Variants in CDH23 observed in about 807,000 individuals in gnomAD.
The protein encoded by CDH23 is cadherin related 23.
A neutral mutation model predicts 317.1 loss-of-function variants in CDH23; 189 were observed. The ratio of observed to expected loss-of-function variants is 0.60; its 90% CI spans 0.53 to 0.67. The LOEUF (loss-of-function observed/expected upper bound fraction) is 0.67. Among genes scored for constraint, CDH23 ranks in the 30% least tolerant of loss-of-function variants. The probability of loss-of-function intolerance (pLI) is 0.00; values close to 1 mark genes in which losing one functional copy is unlikely to be tolerated. For synonymous variants in CDH23, 1,839 were observed against 1,876.8 expected, an observed-to-expected ratio of 0.98 and a Z score of 0.52; for missense variants, 4,401 against 4,592.4, an observed-to-expected ratio of 0.96 and a Z score of 1.20.
chr10:71,446,555 G>A (rs1217490787), intron 3 of CDH23, among the ~76,000 whole-genome samples, 160 bp downstream of exon 3: 1 of 152,154 alleles, frequency 6.6e-6, no homozygotes, highest in African/African-American at 2.4e-5. Flanking sequence ...CAGGGACAGG[G>A]CACTCAGTCC....
At chr10:71,625,467 G>A (rs1861688019) in intron 11 of CDH23, among the ~76,000 whole-genome samples, 2 of 147,428 alleles carry the variant, frequency 1.4e-5, no homozygotes, top group African/African-American at 5.0e-5. Flanking sequence ...TGGGGGGCGG[G>A]TGGGGGTAGG....
chr10:71,592,547 T>C (rs1468450787), intron 9 of CDH23, among the ~76,000 whole-genome samples: 1 of 152,118 alleles, frequency 6.6e-6, no homozygotes. Flanking sequence ...GTGACTGTGT[T>C]GTTCCGATCC....
chr10:71,403,335 CTTTCTTTCTTTCTTT>C, intron 1 of CDH23, among the ~76,000 whole-genome samples: 1 of 29,366 alleles, frequency 3.4e-5, no homozygotes, highest in Admixed American at 3.1e-4. Flanking sequence ...TCCTTTCTTT[CTTTCTTTCTTTCTTT>C]CTTTCTTTCT....
At chr10:71,474,622 A>C (rs534388682) in intron 3 of CDH23, among the ~76,000 whole-genome samples, 1 of 152,370 alleles carries the variant, frequency 6.6e-6, no homozygotes, top group South Asian at 2.1e-4. Flanking sequence ...CATATTGCTC[A>C]TTAGGGGCAC....
intron 3 of CDH23, among the ~76,000 whole-genome samples, chr10:71,487,180 T>C (rs1852394863): frequency 2.6e-5 from 4 of 152,218 alleles, no homozygotes; most frequent in Admixed American, 2.6e-4. Context: ...CTCTAAAATC[T>C]ACTGTCAGAG....
chr10:71,651,646 G>A (rs2132610970), intron 14 of CDH23, among the ~76,000 whole-genome samples: 1 of 152,160 alleles, frequency 6.6e-6, no homozygotes, highest in African/African-American at 2.4e-5. Context: ...GTGGGGAAGT[G>A]GGGTCCTGCT....
chr10:71,696,159 G>A (rs1031204831), intron 22 of CDH23, among the ~76,000 whole-genome samples: 1 of 152,130 alleles, frequency 6.6e-6, no homozygotes, highest in African/African-American at 2.4e-5. Flanking sequence ...GGAAACTGAG[G>A]AAGCCCAGGT....
At chr10:71,800,939 A>AGGCTT in intron 53 of CDH23, among the ~76,000 whole-genome samples, 184 bp downstream of exon 53, 1 of 152,220 alleles carries the variant, frequency 6.6e-6, no homozygotes, top group East Asian at 1.9e-4. Flanking sequence ...GTGGCTTAGG[A>AGGCTT]AGACAGGGAC....
At chr10:71,520,831 G>T (rs536215208) in intron 6 of CDH23, among the ~76,000 whole-genome samples, 25 of 152,308 alleles carry the variant, frequency 1.6e-4, no homozygotes, top group African/African-American at 5.1e-4. Context: ...CTGGGGACAG[G>T]CCTGGCAGCC....
chr10:71,419,924 C>G (rs937791963), intron 1 of CDH23, among the ~76,000 whole-genome samples: 1 of 152,086 alleles, frequency 6.6e-6, no homozygotes, highest in African/African-American at 2.4e-5. Flanking sequence ...CACCTGGGAC[C>G]CAGATGGTGA....
chr10:71,799,010 C>A, intron 50 of CDH23, 101 bp from the exon 51 acceptor site: 5 of 1,169,754 alleles, frequency 4.3e-6, no homozygotes, highest in Non-Finnish European at 6.1e-6. Context: ...CTTCAAGTGA[C>A]CACAGCTGCC....
intron 47 of CDH23, among the ~76,000 whole-genome samples, chr10:71,792,213 T>C (rs1485128003): frequency 6.6e-6 from 1 of 152,182 alleles, no homozygotes; most frequent in African/African-American, 2.4e-5. Context: ...TGCAAAAACC[T>C]ATTTAATCTA....
intron 24 of CDH23, among the ~76,000 whole-genome samples, chr10:71,703,428 A>G (rs936173904): frequency 6.6e-6 from 1 of 152,294 alleles, no homozygotes; most frequent in East Asian, 1.9e-4. Context: ...TCTGAGTCTC[A>G]GCTTCTCATC....
chr10:71,483,802 C>A (rs1852196847), intron 3 of CDH23, among the ~76,000 whole-genome samples: 1 of 152,034 alleles, frequency 6.6e-6, no homozygotes, highest in African/African-American at 2.4e-5. Flanking sequence ...CTAGGTAATG[C>A]AAAAATCACT....
intron 1 of CDH23, among the ~76,000 whole-genome samples, chr10:71,436,787 G>A (rs577257250): frequency 6.6e-6 from 1 of 152,312 alleles, no homozygotes; most frequent in African/African-American, 2.4e-5. Context: ...GATGTTCTTA[G>A]CAGATGTTGT....
intron 35 of CDH23, among the ~76,000 whole-genome samples, chr10:71,738,928 C>T (rs371372938): frequency 6.6e-6 from 1 of 152,270 alleles, no homozygotes; most frequent in Non-Finnish European, 1.5e-5. Context: ...CCTTCCCACG[C>T]AGCCCCAGCT....
chr10:71,797,977 C>T (rs576894115), intron 49 of CDH23, among the ~76,000 whole-genome samples: 85 of 152,180 alleles, frequency 5.6e-4, no homozygotes, highest in Non-Finnish European at 1.0e-3. Context: ...CAGACTTGGT[C>T]ATCTCTTCCA....
At chr10:71,813,029 G>A in intron 68 of CDH23, 139 bp downstream of exon 68, 1 of 1,403,910 alleles carries the variant, frequency 7.1e-7, no homozygotes, top group Non-Finnish European at 9.7e-7. Context: ...GCTGATGGGG[G>A]GCTACTCCAG....
At chr10:71,616,589 G>A (rs1362610570) in intron 10 of CDH23, among the ~76,000 whole-genome samples, 4 of 152,156 alleles carry the variant, frequency 2.6e-5, no homozygotes, top group East Asian at 1.9e-4. Context: ...CTGTGAACCC[G>A]AATCCCCTGG....
Sources: allele counts gnomAD v4.1 joint callset (sites outside exome capture counted in the v4.1 genomes callset), GRCh38; gene constraint gnomAD v4.1.1; transcripts MANE v1.5; gene names NCBI Gene and HGNC (gene_info 2026-07-23, HGNC 2026-07-21).